The following LEKR1 variants were observed in gnomAD, a reference collection of about 807,000 sequenced individuals.
The protein encoded by LEKR1 is leucine, glutamate and lysine rich 1.
A neutral mutation model predicts 72.4 loss-of-function variants in LEKR1; 59 were observed. The ratio of observed to expected loss-of-function variants is 0.82; its 90% CI spans 0.66 to 1.01. The LOEUF (loss-of-function observed/expected upper bound fraction) is 1.01. Among genes scored for constraint, LEKR1 ranks in the 50% least tolerant of loss-of-function variants. The pLI, the probability that LEKR1 is intolerant of heterozygous loss-of-function variation, is 0.00. For synonymous variants in LEKR1, 257 were observed against 263.2 expected (o/e 0.98, Z 0.23); for missense variants, 728 against 759.2 (o/e 0.96, Z 0.48).
intron 10 of LEKR1, among the ~76,000 whole-genome samples, chr3:157,015,135 G>A (rs1472412504): frequency 6.6e-6 from 1 of 152,118 alleles, no homozygotes; most frequent in Non-Finnish European, 1.5e-5. Flanking sequence ...GAAATTTCAG[G>A]TCATGGTTCA....
At chr3:156,901,680 A>ATTTTGTTTTG (rs201656138) in intron 3 of LEKR1, among the ~76,000 whole-genome samples, 3 of 151,950 alleles carry the variant, frequency 2.0e-5, no homozygotes, top group Non-Finnish European at 4.4e-5. Flanking sequence ...TTAATGATCC[A>ATTTTGTTTTG]TTTTGTTTTG....
intron 6 of LEKR1, among the ~76,000 whole-genome samples, chr3:156,946,835 T>C (rs925929530): frequency 2.0e-5 from 3 of 151,466 alleles, no homozygotes; most frequent in Admixed American, 1.3e-4. Context: ...GTAGATTGTA[T>C]ATATCTAGGA....
intron 10 of LEKR1, among the ~76,000 whole-genome samples, chr3:157,016,158 CA>C (rs58870589): frequency 0.035 from 5,252 of 151,438 alleles, 308 homozygotes; most frequent in African/African-American, 0.12. Flanking sequence ...GAAGAGGGAA[CA>C]AAAAAAATTG....
chr3:156,931,127 CA>C (rs1041772259), intron 5 of LEKR1, among the ~76,000 whole-genome samples: 3 of 152,040 alleles, frequency 2.0e-5, no homozygotes, highest in African/African-American at 7.2e-5. Context: ...ATAGTTAAAT[CA>C]GAGAAAATAT....
chr3:156,986,002 C>T (rs1730646000), intron 7 of LEKR1, among the ~76,000 whole-genome samples: 1 of 151,908 alleles, frequency 6.6e-6, no homozygotes, highest in South Asian at 2.1e-4. Context: ...TGATGTGATT[C>T]GATGATGGAG....
chr3:156,966,576 G>C (rs968733417), intron 6 of LEKR1, among the ~76,000 whole-genome samples: 1 of 152,168 alleles, frequency 6.6e-6, no homozygotes, highest in African/African-American at 2.4e-5. Context: ...CAGTGAGGCT[G>C]GGGGAGGGGT....
chr3:156,959,323 TTTTG>T (rs955173316), intron 6 of LEKR1, among the ~76,000 whole-genome samples: 30 of 152,198 alleles, frequency 2.0e-4, no homozygotes, highest in African/African-American at 5.3e-4. Flanking sequence ...TAAATTCACT[TTTTG>T]TTATGAACTT....
chr3:156,992,216 G>T (rs1247378327), intron 7 of LEKR1, among the ~76,000 whole-genome samples: 1 of 152,156 alleles, frequency 6.6e-6, no homozygotes, highest in African/African-American at 2.4e-5. Flanking sequence ...GGTTCTATGG[G>T]CCAGAAAGAC....
intron 3 of LEKR1, among the ~76,000 whole-genome samples, chr3:156,882,141 A>G (rs1355302334): frequency 2.0e-5 from 3 of 151,008 alleles, no homozygotes; most frequent in Admixed American, 2.0e-4. Flanking sequence ...AAAAGACAAA[A>G]TTGACAAATG....
chr3:157,015,641 C>A (rs758749410), intron 10 of LEKR1, among the ~76,000 whole-genome samples: 3 of 152,054 alleles, frequency 2.0e-5, no homozygotes, highest in Non-Finnish European at 4.4e-5. Flanking sequence ...TAGCACCGAA[C>A]AAGGTAAGTT....
Position 157,045,952 on chromosome 3 carries a change from A to C in LEKR1, c.*202A>C, listed in dbSNP as rs866560286. The C allele has an allele frequency of 1.8e-6, 1 of 544,036 alleles. No individual in the cohort carries two copies. The allele number at this position is 544,036 out of a possible 1,614,324, so 33.7% of individuals were successfully genotyped here. A position where few individuals can be genotyped will look rare whatever the true frequency, so the allele number is the denominator to read the frequency against. On this transcript the variant is annotated 3_prime_UTR_variant, in exon 13 of 13. Coordinates refer to ENST00000356539, the MANE Select transcript of LEKR1 (RefSeq NM_001004316.3). Reference sequence around the variant, plus strand: ...TTCAAGAGGGTTTTGATAGAGTAACAGATCATTAAGTTGTTGGTATTCCAG... The same window carrying C: ...TTCAAGAGGGTTTTGATAGAGTAACCGATCATTAAGTTGTTGGTATTCCAG...
chr3:156,847,811 G>GAATA (rs1714819096), intron 2 of LEKR1, among the ~76,000 whole-genome samples: 1 of 152,118 alleles, frequency 6.6e-6, no homozygotes, highest in Non-Finnish European at 1.5e-5. Context: ...ACATCATAAT[G>GAATA]AATATCATGT....
intron 7 of LEKR1, among the ~76,000 whole-genome samples, chr3:156,989,289 A>G (rs1181600667): frequency 1.3e-5 from 2 of 152,208 alleles, no homozygotes; most frequent in Non-Finnish European, 2.9e-5. Flanking sequence ...TAGAATGTCA[A>G]GTTTTTTATT....
chr3:156,982,536 C>T (rs889334452), intron 7 of LEKR1, among the ~76,000 whole-genome samples: 1 of 152,130 alleles, frequency 6.6e-6, no homozygotes, highest in Non-Finnish European at 1.5e-5. Context: ...TTACCTTAGA[C>T]CAAGCAAGAT....
chr3:156,913,402 A>G (rs1197547377), intron 3 of LEKR1, among the ~76,000 whole-genome samples: 1 of 151,996 alleles, frequency 6.6e-6, no homozygotes, highest in African/African-American at 2.4e-5. Flanking sequence ...TGTAAATGGG[A>G]TTGTGTTGCT....
intron 12 of LEKR1, among the ~76,000 whole-genome samples, chr3:157,033,147 A>G (rs1734739128): frequency 6.6e-6 from 1 of 152,188 alleles, no homozygotes; most frequent in African/African-American, 2.4e-5. Context: ...TTGCTGAGGC[A>G]AAAACAATAT....
chr3:156,903,508 C>T (rs1722233475), intron 3 of LEKR1, among the ~76,000 whole-genome samples: 1 of 152,028 alleles, frequency 6.6e-6, no homozygotes, highest in Admixed American at 6.6e-5. Flanking sequence ...AGTTACGACT[C>T]TTGGTTGTGA....
intron 6 of LEKR1, among the ~76,000 whole-genome samples, chr3:156,970,324 T>C (rs942924762): frequency 6.6e-6 from 1 of 151,940 alleles, no homozygotes; most frequent in African/African-American, 2.4e-5. Context: ...AAAAGAGCTC[T>C]TTAGTTTAAT....
intron 2 of LEKR1, among the ~76,000 whole-genome samples, chr3:156,847,789 GT>G (rs1714815072): frequency 6.6e-6 from 1 of 152,098 alleles, no homozygotes; most frequent in Admixed American, 6.5e-5. Context: ...AAATCACATT[GT>G]CTTGTTTTCT....
Sources: allele counts gnomAD v4.1 joint callset (sites outside exome capture counted in the v4.1 genomes callset), GRCh38; gene constraint gnomAD v4.1.1; transcripts MANE v1.5; gene names NCBI Gene and HGNC (gene_info 2026-07-23, HGNC 2026-07-21).